The following KLF13 variants were observed in gnomAD, a reference collection of about 807,000 sequenced individuals.
KLF13 encodes KLF transcription factor 13, also known as Krueppel-like factor 13.
A neutral mutation model predicts 16.7 loss-of-function variants in KLF13; 8 were observed. The ratio of observed to expected loss-of-function variants is 0.48; its 90% CI spans 0.28 to 0.87. KLF13 has a LOEUF of 0.87. KLF13 is among the 40% of genes least tolerant of loss of function. The pLI, the probability that KLF13 is intolerant of heterozygous loss-of-function variation, is 0.10. For synonymous variants in KLF13, 245 were observed against 208.4 expected (o/e 1.18, Z -1.51); for missense variants, 447 against 452.2 (o/e 0.99, Z 0.10).
intron 1 of KLF13, among the ~76,000 whole-genome samples, chr15:31,422,609 G>C (rs1348449648): frequency 6.6e-6 from 1 of 152,122 alleles, no homozygotes; most frequent in Non-Finnish European, 1.5e-5. Flanking sequence ...GGCTGCAAGT[G>C]AAAGAATGGA....
chr15:31,433,779 G>C lies in KLF13; in HGVS notation n.118-1591G>C, dbSNP rs116608474. Among the ~76,000 whole-genome samples, 790 of 152,322 alleles carry C rather than the reference G, an allele frequency of 5.2e-3. 8 individuals carry two copies. The highest frequency in any genetic ancestry group is 0.018 in the African/African-American group (763 of 41,576). ...TGGTGCCCCTGTGTGGGCTGACACT[G>C]ACTGGCCACTCAGGCTCCATGCAAG... On this transcript the variant is annotated intron_variant and non_coding_transcript_variant, in intron 1 of 1. Transcript: ENST00000558225.
In KLF13 at chr15:31,372,068, C is replaced by T. The variant is rs767566663; in HGVS notation, c.636C>T (p.Asp212=). Residue 212 remains aspartate, a synonymous_variant, in exon 2 of 2, where the codon GAC becomes GAT. Transcript: ENST00000307145. The part of the protein sequence containing the change: ...QDCNKKFARS[D]ELARHYRTHT... ...GCAACAAGAAGTTCGCGCGCTCCGACGAGCTGGCGCGGCACTACCGCACAC... is the reference window on the plus strand; with the variant it reads ...GCAACAAGAAGTTCGCGCGCTCCGATGAGCTGGCGCGGCACTACCGCACAC... The T allele has an allele frequency of 1.5e-5, 24 of 1,612,444 alleles. No homozygotes were observed. Among genetic ancestry groups the T allele is most frequent in the East Asian group, 6.7e-5 (3 of 44,886 alleles).
chr15:31,344,986 T>C (rs1245612286), intron 1 of KLF13, among the ~76,000 whole-genome samples: 2 of 151,666 alleles, frequency 1.3e-5, no homozygotes, highest in Non-Finnish European at 2.9e-5. Context: ...GGCCAGGGAG[T>C]GTGAGCTGTT....
At chr15:31,433,769 G>A (rs2040499007) in intron 1 of KLF13, among the ~76,000 whole-genome samples, 1 of 152,196 alleles carries the variant, frequency 6.6e-6, no homozygotes, top group Admixed American at 6.5e-5. Context: ...CCCCTGTGTG[G>A]GCTGACACTG....
chr15:31,348,199 G>A (rs2039156798), intron 1 of KLF13, among the ~76,000 whole-genome samples: 1 of 152,200 alleles, frequency 6.6e-6, no homozygotes, highest in South Asian at 2.1e-4. Context: ...CAGGCAGCTT[G>A]CCACTCTTGT....
chr15:31,334,215 G>T (rs2038887547), intron 1 of KLF13, among the ~76,000 whole-genome samples: 1 of 152,192 alleles, frequency 6.6e-6, no homozygotes. Flanking sequence ...GCTCCAGATG[G>T]TATTAATAGC....
intron 1 of KLF13, among the ~76,000 whole-genome samples, chr15:31,347,549 C>T (rs1200046540): frequency 6.6e-6 from 1 of 152,188 alleles, no homozygotes; most frequent in Non-Finnish European, 1.5e-5. Flanking sequence ...GGAGGTGACT[C>T]TGCCTTGGAG....
rs1435927735 is a variant in KLF13 at position 31,327,878 on chromosome 15, G to A, written c.577+89G>A. The A allele has an allele frequency of 3.4e-6, 4 of 1,191,416 alleles. No individual in the cohort carries two copies. In the South Asian group the frequency reaches 1.5e-4, roughly 43 times the overall value. The allele number at this position is 1,191,416 out of a possible 1,614,324, so 73.8% of individuals were successfully genotyped here. On this transcript the variant is annotated intron_variant, in intron 1 of 1. Coordinates refer to ENST00000307145, the MANE Select transcript of KLF13 (RefSeq NM_015995.4). The stretch of plus-strand genomic sequence containing the variant: ...GCCCCCGGAGTCCCCGATGGGGCGC[G>A]AGGTGGGGGCCGGGCGGGCCGGAAC...
At chr15:31,412,148 G>T (rs2040203256) in intron 1 of KLF13, among the ~76,000 whole-genome samples, 1 of 152,166 alleles carries the variant, frequency 6.6e-6, no homozygotes, top group Non-Finnish European at 1.5e-5. Context: ...TATAAAAAAG[G>T]CTCAAGGGAG....
At chr15:31,401,296 G>A (rs751731026) in intron 2 of KLF13, among the ~76,000 whole-genome samples, 16 of 152,178 alleles carry the variant, frequency 1.1e-4, no homozygotes, top group Non-Finnish European at 1.2e-4. Flanking sequence ...CACTGCACCC[G>A]GCCGAGACAA....
chr15:31,411,789 GA>G (rs1006686834), intron 1 of KLF13, among the ~76,000 whole-genome samples: 1 of 151,970 alleles, frequency 6.6e-6, no homozygotes, highest in Non-Finnish European at 1.5e-5. Flanking sequence ...TATTTATGAT[GA>G]AAAAATAAAC....
At position 31,342,665 on chromosome 15, in the gene KLF13, G is replaced by A. The variant is rs1378862724; in HGVS notation, c.577+14876G>A. 3.3e-5 allele frequency among the ~76,000 whole-genome samples: 5 copies of A among 152,210 alleles called. No homozygotes were observed. In the East Asian group the frequency reaches 9.6e-4, roughly 29 times the overall value. On this transcript the variant is annotated intron_variant, in intron 1 of 1. Coordinates refer to ENST00000307145, the MANE Select transcript of KLF13 (RefSeq NM_015995.4). ...CCACTTCTTGTTTACAGGAGTAATT[G>A]CCTTCATGAGCTTTGGGCCATCTGC...
Position 31,372,383 on chromosome 15 carries a change from C to T in KLF13, c.*84C>T. ...TTGTAATAAGAAAGAAGAGAGAGAA[C>T]TTGATGCAAAGTCCACGAAAAAACA... On this transcript the variant is annotated 3_prime_UTR_variant, in exon 2 of 2. Transcript: ENST00000307145. 7.5e-7 allele frequency: 1 copy of T among 1,328,650 alleles called. No homozygotes were observed. The highest frequency in any genetic ancestry group is 9.7e-7 in the Non-Finnish European group (1 of 1,027,670). The allele number at this position is 1,328,650 out of a possible 1,614,324, so 82.3% of individuals were successfully genotyped here. A position where few individuals can be genotyped will look rare whatever the true frequency, so the allele number is the denominator to read the frequency against.
chr15:31,364,946 CTGAGGCTGTATGCCTGAGT>C (rs1260509141), intron 1 of KLF13, among the ~76,000 whole-genome samples: 1 of 152,238 alleles, frequency 6.6e-6, no homozygotes, highest in Non-Finnish European at 1.5e-5. Context: ...TCTGCTACCC[CTGAGGCTGTATGCCTGAGT>C]TTCATTGGAG....
chr15:31,353,024 G>A (rs1255273102), intron 1 of KLF13, among the ~76,000 whole-genome samples: 1 of 152,216 alleles, frequency 6.6e-6, no homozygotes, highest in Non-Finnish European at 1.5e-5. Context: ...GGAGTGTGCG[G>A]CTTGCTCTGG....
At chr15:31,361,141 C>T (rs1417807673) in intron 1 of KLF13, among the ~76,000 whole-genome samples, 2 of 152,170 alleles carry the variant, frequency 1.3e-5, no homozygotes, top group Non-Finnish European at 1.5e-5. Flanking sequence ...AAATAGGCCT[C>T]GTAGAGCCTG....
chr15:31,329,020 C>T (rs1175131466), intron 1 of KLF13, among the ~76,000 whole-genome samples: 4 of 152,060 alleles, frequency 2.6e-5, no homozygotes, highest in South Asian at 4.1e-4. Context: ...AGCTGAAGGC[C>T]CCTTTTTTTT....
At chr15:31,398,642 G>A (rs1374531473) in intron 2 of KLF13, among the ~76,000 whole-genome samples, 1 of 152,148 alleles carries the variant, frequency 6.6e-6, no homozygotes, top group African/African-American at 2.4e-5. Flanking sequence ...AGCCCTCCCA[G>A]CCACCTTTGT....
chr15:31,328,421 C>T (rs2140926219), intron 1 of KLF13, among the ~76,000 whole-genome samples: 1 of 152,108 alleles, frequency 6.6e-6, no homozygotes, highest in Middle Eastern at 3.4e-3. Flanking sequence ...GGGGGCGGTC[C>T]CGGGTCCCGC....
Sources: gnomAD v4.1 joint callset for allele counts (sites outside exome capture counted in the v4.1 genomes callset) on GRCh38, gnomAD v4.1.1 for gene constraint, MANE v1.5 for transcripts, NCBI Gene and HGNC (gene_info 2026-07-23, HGNC 2026-07-21) for gene names.